Variants in C16orf96 observed in about 807,000 individuals in gnomAD.
C16orf96 encodes chromosome 16 open reading frame 96.
In C16orf96, 108 loss-of-function variants were observed where a neutral mutation model predicts 103.6. The ratio of observed to expected loss-of-function variants is 1.04; its 90% CI spans 0.89 to 1.22. C16orf96 has a LOEUF of 1.22. C16orf96 is among the 50% of genes most tolerant of loss of function. The probability of loss-of-function intolerance (pLI) is 0.00; values close to 1 mark genes in which losing one functional copy is unlikely to be tolerated. For synonymous variants in C16orf96, 566 were observed against 593.5 expected (o/e 0.95, Z 0.67); for missense variants, 1,586 against 1,464.2 (o/e 1.08, Z -1.36).
chr16:4,556,562 G>T lies in C16orf96; in HGVS notation c.73G>T (p.Ala25Ser). The T allele has an allele frequency of 1.3e-6, 2 of 1,551,566 alleles. No homozygotes were observed. The highest frequency in any genetic ancestry group is 8.7e-7 in the Non-Finnish European group (1 of 1,146,958). The stretch of plus-strand genomic sequence containing the variant: ...ACAGTGCGGGGTGCTGAACTTCAAG[G>T]CCCTGCACCTCCTGCTGCACGGCAT... ...IPQCGVLNFKALHLLLHGILE... is the reference protein window; with the variant it reads ...IPQCGVLNFKSLHLLLHGILE... The change falls in exon 1 of 16, where the codon GCC becomes TCC. Residue 25 changes from alanine (A) to serine (S), a missense_variant. Coordinates refer to ENST00000444310, the MANE Select transcript of C16orf96 (RefSeq NM_001145011.2).
chr16:4,582,655 C>T (rs1419346498), intron 7 of C16orf96, among the ~76,000 whole-genome samples: 4 of 152,180 alleles, frequency 2.6e-5, no homozygotes, highest in South Asian at 2.1e-4. Context: ...GGTCTCCTGC[C>T]AACACTCCTC....
At chr16:4,586,572 G>C (rs1183392670) in intron 7 of C16orf96, among the ~76,000 whole-genome samples, 1 of 152,192 alleles carries the variant, frequency 6.6e-6, no homozygotes, top group Non-Finnish European at 1.5e-5. Context: ...GGAATTCATG[G>C]GGGCAGTTGG....
In C16orf96 at chr16:4,572,150, C is replaced by T. The variant is rs184482293; in HGVS notation, c.525+485C>T. Among the ~76,000 whole-genome samples the T allele has an allele frequency of 6.7e-3, 1,022 of 151,730 alleles. 40 individuals carry two copies. The highest frequency in any genetic ancestry group is 0.057 in the Admixed American group (872 of 15,208). ...GGTGTAAGCCACCATACCTGGCCGA[C>T]CCCTCCATGCTTTCTACCCCAGTGT... On this transcript the variant is annotated intron_variant, in intron 2 of 15. Transcript: ENST00000444310.
chr16:4,553,389 T>C (rs1005540404), upstream of C16orf96, among the ~76,000 whole-genome samples: 1 of 152,138 alleles, frequency 6.6e-6, no homozygotes, highest in African/African-American at 2.4e-5. Context: ...TGTATTTTGT[T>C]TTATTTGAGA....
At chr16:4,542,527 T>C in the C16orf96 span, among the ~76,000 whole-genome samples, 1 of 152,228 alleles carries the variant, frequency 6.6e-6, no homozygotes. Context: ...CCAGGCGCAG[T>C]GGCTCATGCC....
chr16:4,576,682 C>T (rs1297482166), intron 5 of C16orf96, 47 bp downstream of exon 5: 1 of 1,486,212 alleles, frequency 6.7e-7, no homozygotes, highest in Non-Finnish European at 9.0e-7. Context: ...GTGGGGCTCT[C>T]CCTGCAGCCT....
chr16:4,562,980 A>G, intron 1 of C16orf96: 3 of 1,234,608 alleles, frequency 2.4e-6, no homozygotes, highest in African/African-American at 1.5e-5. Flanking sequence ...TTGAACGCCA[A>G]CGTACCTCAT....
chr16:4,577,083 C>T (rs1490257608), intron 5 of C16orf96, among the ~76,000 whole-genome samples: 1 of 151,976 alleles, frequency 6.6e-6, no homozygotes, highest in Non-Finnish European at 1.5e-5. Flanking sequence ...CCCAGCTACT[C>T]GGGAGGCTGT....
intron 1 of C16orf96, among the ~76,000 whole-genome samples, chr16:4,558,650 C>A (rs2059293468): frequency 6.7e-6 from 1 of 149,806 alleles, no homozygotes. Flanking sequence ...CACAGTGGCG[C>A]ACACCTGTAA....
intron 10 of C16orf96, 27 bp downstream of exon 10, chr16:4,591,811 GT>G (rs1394769636): frequency 2.1e-6 from 3 of 1,442,132 alleles, no homozygotes; most frequent in Non-Finnish European, 2.8e-6. Flanking sequence ...GCCCCTCCTG[GT>G]AGGGGTCCTG....
chr16:4,549,422 A>G, the C16orf96 span, among the ~76,000 whole-genome samples: 109 of 151,222 alleles, frequency 7.2e-4, no homozygotes, highest in South Asian at 0.018. Context: ...GCAGTGAGCC[A>G]AGATCGCGCC....
Position 4,578,125 on chromosome 16 carries a change from TA to T in C16orf96, c.2156-806del, listed in dbSNP as rs1401986695. Among the ~76,000 whole-genome samples the T allele has an allele frequency of 4.6e-5, 7 of 152,064 alleles. 1 individual carries two copies. In the South Asian group the frequency reaches 1.2e-3, roughly 27 times the overall value. On this transcript the variant is annotated intron_variant, in intron 5 of 15. Transcript: ENST00000444310. ...ACCTTGTCTCCATACAAACAAAATT[TA>T]AAAAAAAATTTTTTTAATTATTGTT...
the C16orf96 span, among the ~76,000 whole-genome samples, chr16:4,543,413 G>A: frequency 1.3e-5 from 2 of 152,152 alleles, no homozygotes; most frequent in Admixed American, 6.6e-5. Context: ...ATCCTATTGG[G>A]TAGGTAGTGG....
upstream of C16orf96, among the ~76,000 whole-genome samples, chr16:4,554,806 A>G (rs1047586999): frequency 2.0e-5 from 3 of 149,850 alleles, no homozygotes; most frequent in African/African-American, 2.5e-5. Flanking sequence ...ACGCACCACC[A>G]TGCCCAGCTA....
chr16:4,538,998 T>A, the C16orf96 span, among the ~76,000 whole-genome samples: 4 of 152,182 alleles, frequency 2.6e-5, no homozygotes, highest in Non-Finnish European at 5.9e-5. Context: ...CGCCTCCTCT[T>A]CACTCATGCC....
intron 15 of C16orf96, 140 bp downstream of exon 15, chr16:4,599,504 T>C (rs1477809216): frequency 5.3e-6 from 4 of 753,514 alleles, no homozygotes; most frequent in Non-Finnish European, 9.0e-6. Context: ...TGCCTGCCTA[T>C]GGCACTTCAG....
Position 4,596,484 on chromosome 16 carries a change from CA to C in C16orf96, c.3127+1699del, listed in dbSNP as rs35069884. Among the ~76,000 whole-genome samples the C allele has an allele frequency of 6.3e-3, 751 of 118,560 alleles. 14 individuals are homozygous for C. The highest frequency in any genetic ancestry group is 0.025 in the African/African-American group (708 of 28,884). 77.8% of individuals were successfully genotyped at this position (118,560 alleles called of 152,430 possible). On this transcript the variant is annotated intron_variant, in intron 14 of 15. Coordinates refer to ENST00000444310, the MANE Select transcript of C16orf96 (RefSeq NM_001145011.2). Reference sequence around the variant, plus strand: ...TGGACAACAGAGCGAGACTTCGTCTCAAAAAAAAAAAAAAAAAACAGCTGAA... The same window carrying C: ...TGGACAACAGAGCGAGACTTCGTCTCAAAAAAAAAAAAAAAAACAGCTGAA...
intron 1 of C16orf96, among the ~76,000 whole-genome samples, chr16:4,565,670 G>A (rs746151724): frequency 1.3e-5 from 2 of 152,068 alleles, no homozygotes; most frequent in South Asian, 2.1e-4. Context: ...TGTATTTTTC[G>A]TAGAGACGGG....
chr16:4,594,724 C>T lies in C16orf96; in HGVS notation c.3048C>T (p.Gly1016=), dbSNP rs927146085. 1.6e-5 allele frequency: 25 copies of T among 1,551,174 alleles called. No individual in the cohort carries two copies. The Middle Eastern group carries it at 5.1e-4, about 31-fold the overall frequency. ...DYDSAEVDIL[G]VDGILYKGRV... is the part of the protein sequence containing the mutation. ...AACAGGCCGAGGTGGACATCCTGGG[C>T]GTGGATGGGATCCTGTACAAAGGCC... The change falls in exon 14 of 16, where the codon GGC becomes GGT. Residue 1016 remains glycine, a synonymous_variant. Coordinates refer to ENST00000444310, the MANE Select transcript of C16orf96 (RefSeq NM_001145011.2).
Sources: allele counts gnomAD v4.1 joint callset (sites outside exome capture counted in the v4.1 genomes callset), GRCh38; gene constraint gnomAD v4.1.1; transcripts MANE v1.5; gene names NCBI Gene and HGNC (gene_info 2026-07-23, HGNC 2026-07-21).